Variants in CCDC7 observed in about 807,000 individuals in gnomAD.
CCDC7 encodes the protein coiled-coil domain containing 7, also known as coiled-coil domain-containing protein 7.
CCDC7 carries 183 observed loss-of-function variants against 196.9 expected under a neutral mutation model. The observed-to-expected ratio is 0.93, with a 90% CI of 0.82 to 1.05. The LOEUF is 1.05. Ranked by LOEUF, CCDC7 falls within the 50% of genes least tolerant of loss-of-function variation. The pLI, the probability that CCDC7 is intolerant of heterozygous loss-of-function variation, is 0.00. For synonymous variants in CCDC7, 525 were observed against 484.6 expected (o/e 1.08, Z -1.10); for missense variants, 1,540 against 1,482.2 (o/e 1.04, Z -0.64).
intron 28 of CCDC7, among the ~76,000 whole-genome samples, chr10:32,777,005 C>T (rs117667143): frequency 0.039 from 5,893 of 152,178 alleles, 122 homozygotes; most frequent in Middle Eastern, 0.051. Context: ...CTGAATGCAT[C>T]ACCCAGATAG....
At chr10:32,671,487 C>T (rs1473896115) in intron 21 of CCDC7, among the ~76,000 whole-genome samples, 1 of 152,022 alleles carries the variant, frequency 6.6e-6, no homozygotes, top group African/African-American at 2.4e-5. Context: ...AAGACATATC[C>T]CTGTCATTAA....
chr10:32,618,935 GT>G (rs1165937786), intron 18 of CCDC7, among the ~76,000 whole-genome samples: 31 of 151,838 alleles, frequency 2.0e-4, no homozygotes, highest in African/African-American at 7.0e-4. Flanking sequence ...TGTTCATTCT[GT>G]TCTATTCTTT....
chr10:32,477,378 T>C (rs2039185683), intron 8 of CCDC7, among the ~76,000 whole-genome samples: 1 of 152,060 alleles, frequency 6.6e-6, no homozygotes, highest in Non-Finnish European at 1.5e-5. Context: ...AATTTTTGCA[T>C]TTTTAGTAGA....
At chr10:32,647,679 A>AT (rs1160152596) in intron 20 of CCDC7, among the ~76,000 whole-genome samples, 5 of 151,434 alleles carry the variant, frequency 3.3e-5, no homozygotes, top group Non-Finnish European at 5.9e-5. Flanking sequence ...TTCAATGGAG[A>AT]TTTTTTCTTG....
At chr10:32,823,318 T>G (rs1022142486) in intron 31 of CCDC7, among the ~76,000 whole-genome samples, 3 of 150,884 alleles carry the variant, frequency 2.0e-5, no homozygotes, top group African/African-American at 7.5e-5. Flanking sequence ...ATTTTTGTGT[T>G]TTTAGTAGAG....
At chr10:32,474,156 G>T in intron 8 of CCDC7, 133 bp downstream of exon 9, 1 of 567,324 alleles carries the variant, frequency 1.8e-6, no homozygotes. Flanking sequence ...TGAGCTGGTT[G>T]TCAAGCAAGT....
intron 16 of CCDC7, 39 bp downstream of exon 17, chr10:32,571,932 A>G (rs748066940): frequency 1.9e-6 from 3 of 1,552,732 alleles, no homozygotes; most frequent in East Asian, 2.4e-5. Context: ...TCATTTTCTA[A>G]TCTTTATCAG....
chr10:32,828,957 A>G (rs191192604), intron 32 of CCDC7, among the ~76,000 whole-genome samples: 14 of 152,324 alleles, frequency 9.2e-5, no homozygotes, highest in African/African-American at 7.2e-5. Context: ...CAACAATTCA[A>G]TTAAACTGGA....
intron 28 of CCDC7, among the ~76,000 whole-genome samples, chr10:32,742,556 C>G (rs1480893532): frequency 2.0e-5 from 3 of 152,126 alleles, no homozygotes; most frequent in Non-Finnish European, 4.4e-5. Context: ...CATGATTTTG[C>G]TTTTTTCAGA....
intron 21 of CCDC7, among the ~76,000 whole-genome samples, chr10:32,677,633 T>A (rs1275334177): frequency 6.6e-6 from 1 of 152,196 alleles, no homozygotes; most frequent in African/African-American, 2.4e-5. Flanking sequence ...TTTTTTTCTT[T>A]CCATTTTCAA....
intron 24 of CCDC7, among the ~76,000 whole-genome samples, chr10:32,709,482 A>G (rs566397173): frequency 2.6e-5 from 4 of 152,014 alleles, no homozygotes; most frequent in East Asian, 1.9e-4. Context: ...AAAAATAAAT[A>G]AATAAGAAAA....
intron 28 of CCDC7, among the ~76,000 whole-genome samples, chr10:32,737,190 C>T (rs973508724): frequency 6.6e-6 from 1 of 152,024 alleles, no homozygotes; most frequent in East Asian, 1.9e-4. Context: ...ATGAATGTTG[C>T]GTACCTGGGA....
At chr10:32,713,673 G>A (rs576831243) in intron 25 of CCDC7, among the ~76,000 whole-genome samples, 52 of 152,306 alleles carry the variant, frequency 3.4e-4, no homozygotes, top group African/African-American at 1.3e-3. Context: ...ATCTATTGGG[G>A]GGCCCATCAA....
At chr10:32,499,300 T>C (rs953245178) in intron 9 of CCDC7, 2 of 152,160 alleles carry the variant, frequency 1.3e-5, no homozygotes, top group African/African-American at 2.4e-5. Context: ...TAGAAGTTTT[T>C]CCCTGTCTCT....
intron 24 of CCDC7, among the ~76,000 whole-genome samples, chr10:32,710,979 GA>G (rs2080725215): frequency 1.3e-5 from 2 of 152,128 alleles, no homozygotes; most frequent in African/African-American, 4.8e-5. Context: ...GCAAAGGTAG[GA>G]TGTATCAGCA....
intron 18 of CCDC7, among the ~76,000 whole-genome samples, chr10:32,600,190 A>G (rs1030289812): frequency 6.6e-6 from 1 of 152,068 alleles, no homozygotes; most frequent in Non-Finnish European, 1.5e-5. Flanking sequence ...CTTCCAATCC[A>G]TGAGCATGGG....
Position 32,845,629 on chromosome 10 carries a change from A to T in CCDC7, c.3520+3A>T, listed in dbSNP as rs200248180. On this transcript the variant is annotated splice_donor_region_variant and intron_variant, in intron 35 of 41. Transcript: ENST00000639629. The stretch of plus-strand genomic sequence containing the variant: ...GACACAATTAAAAAGTCACCCAGGT[A>T]AGAGAAAACAATTTCAAGACTAATA... 1,759 of 1,601,498 alleles carry T rather than the reference A, an allele frequency of 1.1e-3. 3 individuals carry two copies. Among genetic ancestry groups the T allele is most frequent in the Non-Finnish European group, 1.4e-3 (1,622 of 1,169,742 alleles).
intron 21 of CCDC7, among the ~76,000 whole-genome samples, chr10:32,681,602 C>A (rs1417706459): frequency 6.6e-6 from 1 of 152,070 alleles, no homozygotes; most frequent in Non-Finnish European, 1.5e-5. Context: ...CAAATCTTAC[C>A]TCAAGTCTCT....
intron 13 of CCDC7, among the ~76,000 whole-genome samples, chr10:32,554,527 C>T (rs922147270): frequency 7.9e-5 from 12 of 152,194 alleles, no homozygotes; most frequent in African/African-American, 2.7e-4. Context: ...TCACTTGGCT[C>T]TCTAAATGGA....
Sources: gnomAD v4.1 joint callset for allele counts (sites outside exome capture counted in the v4.1 genomes callset) on GRCh38, gnomAD v4.1.1 for gene constraint, MANE v1.5 for transcripts, NCBI Gene and HGNC (gene_info 2026-07-23, HGNC 2026-07-21) for gene names.